Variants in HDAC8 observed in about 807,000 individuals in gnomAD.
HDAC8 encodes histone deacetylase-like 1.
In HDAC8, 1 loss-of-function variant was observed where a neutral mutation model predicts 32.2. The ratio of observed to expected loss-of-function variants is 0.03; its 90% CI spans 0.01 to 0.15. The LOEUF (loss-of-function observed/expected upper bound fraction) is 0.15. HDAC8 is among the 10% of genes least tolerant of loss of function. HDAC8 has a pLI of 1.00. For missense variants in HDAC8, 117 were observed against 300.0 expected, an observed-to-expected ratio of 0.39 and a Z score of 4.51; for synonymous variants, 108 against 113.9, an observed-to-expected ratio of 0.95 and a Z score of 0.33.
intron 4 of HDAC8, among the ~76,000 whole-genome samples, chrX:72,507,319 A>T (rs2049427289): frequency 8.9e-6 from 1 of 111,821 alleles, no homozygotes; most frequent in African/African-American, 3.3e-5. Context: ...GCTTCACCTC[A>T]CTTAGGAGCT....
chrX:72,552,041 A>ATACATTATATATGTATATATAT (rs1556072972), intron 4 of HDAC8, among the ~76,000 whole-genome samples: 4 of 112,660 alleles, frequency 3.6e-5, no homozygotes, highest in African/African-American at 1.3e-4. Flanking sequence ...ACTGCATTAT[A>ATACATTATATATGTATATATAT]ACTACTTCCT....
At chrX:72,484,293 T>A (rs2048601331) in intron 7 of HDAC8, among the ~76,000 whole-genome samples, 2 of 112,148 alleles carry the variant, frequency 1.8e-5, no homozygotes, top group African/African-American at 6.5e-5. Flanking sequence ...AGGCTATTTC[T>A]CTGGATGGGT....
chrX:72,472,358 C>T (rs1365922721), intron 7 of HDAC8, among the ~76,000 whole-genome samples: 3 of 111,940 alleles, frequency 2.7e-5, no homozygotes, highest in Non-Finnish European at 3.8e-5. Context: ...TGAGCCACCG[C>T]GCCCGGCCCA....
At chrX:72,379,181 A>G (rs1334060700) in intron 9 of HDAC8, among the ~76,000 whole-genome samples, 1 of 111,137 alleles carries the variant, frequency 9.0e-6, no homozygotes, top group Non-Finnish European at 1.9e-5. Flanking sequence ...TTTTAATATA[A>G]TTTCTATTTA....
At chrX:72,437,407 G>A (rs1360170945) in intron 9 of HDAC8, among the ~76,000 whole-genome samples, 2 of 111,529 alleles carry the variant, frequency 1.8e-5, no homozygotes, top group African/African-American at 6.5e-5. Context: ...CACAAAACTG[G>A]GCTGCCGTTT....
At chrX:72,412,460 G>A (rs1040250603) in intron 9 of HDAC8, among the ~76,000 whole-genome samples, 6 of 111,808 alleles carry the variant, frequency 5.4e-5, no homozygotes, top group African/African-American at 2.0e-4. Context: ...AATTGGTACT[G>A]GGTACAAGCT....
In HDAC8 at chrX:72,552,231, G is replaced by A. The variant is rs188077950; in HGVS notation, c.437+15658C>T. Among the ~76,000 whole-genome samples the A allele has an allele frequency of 1.7e-3, 194 of 111,290 alleles. 1 individual carries two copies. Among genetic ancestry groups the A allele is most frequent in the Middle Eastern group, 9.2e-3 (2 of 218 alleles). On this transcript the variant is annotated intron_variant, in intron 4 of 10. Transcript: ENST00000373573. ...AATCCTAGCACTCTGGGAAGCTGAG[G>A]TGGGAGGATCACCTGAGGCCAGGAG...
chrX:72,558,465 A>G (rs1271269047), intron 4 of HDAC8, among the ~76,000 whole-genome samples: 1 of 112,223 alleles, frequency 8.9e-6, no homozygotes, highest in African/African-American at 3.2e-5. Flanking sequence ...TACCACATAA[A>G]CAGAATTAAA....
chrX:72,485,910 A>C (rs1355461256), intron 7 of HDAC8, among the ~76,000 whole-genome samples: 1 of 110,539 alleles, frequency 9.0e-6, no homozygotes, highest in East Asian at 2.9e-4. Flanking sequence ...TCACGAGGTC[A>C]GGAGATCGAG....
chrX:72,390,437 T>C (rs2045582812), intron 9 of HDAC8, among the ~76,000 whole-genome samples: 1 of 112,501 alleles, frequency 8.9e-6, no homozygotes, highest in Admixed American at 9.4e-5. Flanking sequence ...TCTAGCTATT[T>C]GAAAATATAT....
At position 72,489,028 on chromosome X, in the gene HDAC8, C is replaced by A; in HGVS notation, c.642G>T (p.Val214=). 1 of 1,184,101 alleles carries A rather than the reference C, an allele frequency of 8.4e-7. No homozygotes were observed. The highest frequency in any genetic ancestry group is 1.1e-6 in the Non-Finnish European group (1 of 876,414). The change falls in exon 7 of 11, where the codon GTG becomes GTT. Residue 214 remains valine (V), a synonymous_variant. Coordinates refer to ENST00000373573, the MANE Select transcript of HDAC8 (RefSeq NM_018486.3). The part of the protein sequence containing the change: ...SPGFFPGTGD[V]SDVGLGKGRY... Reference sequence around the variant, plus strand: ...GTCCCTTCCCTAGGCCAACATCAGACACGTCACCTGTTCCTATAAAAGAGA... The same window carrying A: ...GTCCCTTCCCTAGGCCAACATCAGAAACGTCACCTGTTCCTATAAAAGAGA...
intron 4 of HDAC8, among the ~76,000 whole-genome samples, chrX:72,525,307 A>G (rs1026189173): frequency 6.3e-5 from 7 of 111,294 alleles, no homozygotes; most frequent in Non-Finnish European, 1.1e-4. Context: ...GAAGGAGGAT[A>G]AAATCATCGC....
chrX:72,530,649 C>T (rs1255295658), intron 4 of HDAC8, among the ~76,000 whole-genome samples: 1 of 110,754 alleles, frequency 9.0e-6, no homozygotes, highest in Non-Finnish European at 1.9e-5. Flanking sequence ...CTTCCTTTTC[C>T]AGACCACAAG....
intron 7 of HDAC8, chrX:72,466,915 A>T (rs1268793725): frequency 2.7e-5 from 3 of 111,709 alleles, no homozygotes; most frequent in Non-Finnish European, 5.6e-5. Flanking sequence ...ACATGCAAAA[A>T]ATCTGGGTGG....
intron 9 of HDAC8, among the ~76,000 whole-genome samples, chrX:72,363,849 C>A (rs782510399): frequency 8.9e-6 from 1 of 112,476 alleles, no homozygotes; most frequent in South Asian, 3.7e-4. Context: ...GCTGGGATTA[C>A]AGGCATGAGC....
intron 4 of HDAC8, among the ~76,000 whole-genome samples, chrX:72,556,979 G>T (rs1419218159): frequency 3.6e-5 from 4 of 112,053 alleles, no homozygotes; most frequent in African/African-American, 1.3e-4. Flanking sequence ...CGCTTTGGGA[G>T]GCCGAGACGG....
At chrX:72,430,592 A>G (rs1433460286) in intron 9 of HDAC8, among the ~76,000 whole-genome samples, 1 of 112,275 alleles carries the variant, frequency 8.9e-6, no homozygotes, top group Non-Finnish European at 1.9e-5. Flanking sequence ...ACATACTGCT[A>G]TTATTGTACT....
chrX:72,498,862 T>A (rs1300762148), intron 4 of HDAC8, among the ~76,000 whole-genome samples: 1 of 111,587 alleles, frequency 9.0e-6, no homozygotes, highest in East Asian at 2.8e-4. Context: ...TGAAATTTGA[T>A]CCCCAGTGTT....
intron 4 of HDAC8, among the ~76,000 whole-genome samples, chrX:72,553,157 G>A (rs1361763599): frequency 9.0e-6 from 1 of 110,827 alleles, no homozygotes; most frequent in Non-Finnish European, 1.9e-5. Context: ...TGATTCTCCT[G>A]CCTCAACTTC....
Sources: gnomAD v4.1 joint callset for allele counts (sites outside exome capture counted in the v4.1 genomes callset) on GRCh38, gnomAD v4.1.1 for gene constraint, MANE v1.5 for transcripts, NCBI Gene and HGNC (gene_info 2026-07-23, HGNC 2026-07-21) for gene names.